Variants in DMAC2L observed in about 807,000 individuals in gnomAD.
DMAC2L encodes distal membrane arm assembly component 2 like.
Under a neutral mutation model 22.5 loss-of-function variants are expected in DMAC2L, and 21 were observed. The ratio of observed to expected loss-of-function variants is 0.93; its 90% CI spans 0.66 to 1.34. The LOEUF is 1.34. Ranked by LOEUF, DMAC2L falls within the 40% of genes most tolerant of loss-of-function variation. The pLI is 0.00. For synonymous variants in DMAC2L, 86 were observed against 89.5 expected (o/e 0.96, Z 0.22); for missense variants, 239 against 246.5 (o/e 0.97, Z 0.20).
chr14:50,314,947 T>C (rs1037943459), intron 2 of DMAC2L, among the ~76,000 whole-genome samples: 1 of 151,542 alleles, frequency 6.6e-6, no homozygotes, highest in Non-Finnish European at 1.5e-5. Context: ...CAGCCTATTG[T>C]ATCATTCTTT....
chr14:50,317,966 A>G (rs1595193998), intron 2 of DMAC2L, among the ~76,000 whole-genome samples: 1 of 152,054 alleles, frequency 6.6e-6, no homozygotes, highest in East Asian at 1.9e-4. Flanking sequence ...GGGATGCTGG[A>G]TTTTGTCAAA....
Position 50,325,819 on chromosome 14 carries a change from G to A in DMAC2L, c.*96G>A, listed in dbSNP as rs576036774. The A allele has an allele frequency of 1.4e-6, 2 of 1,457,672 alleles. No individual in the cohort carries two copies. Among genetic ancestry groups the A allele is most frequent in the Admixed American group, 2.5e-5 (1 of 40,628 alleles). The allele number at this position is 1,457,672 out of a possible 1,614,324, so 90.3% of individuals were successfully genotyped here. ...TAGTCATCAGTAGAATTATAAGGAT[G>A]CCATATCATGACATTTTAGAAGTGG... On this transcript the variant is annotated 3_prime_UTR_variant, in exon 6 of 6. Coordinates refer to ENST00000557421, the MANE Select transcript of DMAC2L (RefSeq NM_001382507.1).
chr14:50,321,159 A>C (rs2032233899), intron 2 of DMAC2L, among the ~76,000 whole-genome samples: 1 of 152,178 alleles, frequency 6.6e-6, no homozygotes, highest in South Asian at 2.1e-4. Context: ...TAGAGGAGCC[A>C]GCTTCAGCAA....
At chr14:50,318,284 A>G (rs945442705) in intron 2 of DMAC2L, among the ~76,000 whole-genome samples, 37 of 152,262 alleles carry the variant, frequency 2.4e-4, no homozygotes, top group Admixed American at 2.4e-3. Flanking sequence ...TTGCAAAATC[A>G]TTAGCAAAGT....
intron 1 of DMAC2L, 67 bp downstream of exon 1, chr14:50,312,456 G>A (rs1319037837): frequency 2.1e-6 from 1 of 470,426 alleles, no homozygotes; most frequent in East Asian, 4.2e-5. Context: ...GCCCTCGCCC[G>A]TCGCCAACGC....
intron 2 of DMAC2L, among the ~76,000 whole-genome samples, chr14:50,315,744 C>T (rs181009073): frequency 2.1e-4 from 31 of 150,842 alleles, no homozygotes; most frequent in African/African-American, 7.6e-4. Context: ...AATTCATTCC[C>T]TTTTATGGCT....
At position 50,312,364 on chromosome 14, in the gene DMAC2L, C is replaced by T; in HGVS notation, c.-67C>T. 4 of 538,028 alleles carry T rather than the reference C, an allele frequency of 7.4e-6. No homozygotes were observed. The highest frequency in any genetic ancestry group is 1.3e-5 in the Non-Finnish European group (4 of 303,558). The allele number at this position is 538,028 out of a possible 1,614,324, so 33.3% of individuals were successfully genotyped here. On this transcript the variant is annotated 5_prime_UTR_variant, in exon 1 of 6. Transcript: ENST00000557421. ...CCGCAGACGCGGGGACGCTGGCTCG[C>T]TCCCTCCCTCCCTCCCTCCGACGCT...
At chr14:50,315,163 T>TC (rs2031659472) in intron 2 of DMAC2L, among the ~76,000 whole-genome samples, 1 of 151,040 alleles carries the variant, frequency 6.6e-6, no homozygotes. Context: ...AGACAGGGTT[T>TC]CACCGTGTTA....
chr14:50,320,269 T>TTTTTA (rs75972001), intron 2 of DMAC2L, among the ~76,000 whole-genome samples: 1 of 100,034 alleles, frequency 1.0e-5, no homozygotes, highest in Non-Finnish European at 2.2e-5. Flanking sequence ...AATTTTTTAT[T>TTTTTA]TTTTTATTTT....
At chr14:50,322,295 G>T (rs377144035) in intron 3 of DMAC2L, among the ~76,000 whole-genome samples, 22 of 152,324 alleles carry the variant, frequency 1.4e-4, no homozygotes, top group African/African-American at 5.1e-4. Flanking sequence ...CAGCGTTCAC[G>T]TGGAAACAAA....
rs544798839 is a variant in DMAC2L, at chr14:50,323,769, T to C, written c.317-176T>C. ...GTCCTGTCCATCAGCACAAGCTCTA[T>C]AGTGAATTCCTTATATGGTTAATAG... On this transcript the variant is annotated intron_variant, in intron 4 of 5. Transcript: ENST00000557421. Among the ~76,000 whole-genome samples the C allele has an allele frequency of 2.6e-5, 4 of 152,328 alleles. No homozygotes were observed. The South Asian group carries it at 8.3e-4, about 32-fold the overall frequency.
rs1039123911 is a variant in DMAC2L at position 50,312,619 on chromosome 14, G to T, written c.-42+230G>T. Reference sequence around the variant, plus strand: ...GCTTCTTTCTTCCGGCTCGCCCTCGGCCCCGCCCCCGCCCCGCCCCCGCTC... The same window carrying T: ...GCTTCTTTCTTCCGGCTCGCCCTCGTCCCCGCCCCCGCCCCGCCCCCGCTC... On this transcript the variant is annotated intron_variant, in intron 1 of 5. Transcript: ENST00000557421. 13 of 268,244 alleles carry T rather than the reference G, an allele frequency of 4.8e-5. No homozygotes were observed. In the South Asian group the frequency reaches 6.7e-4, roughly 14 times the overall value. The allele number at this position is 268,244 out of a possible 1,614,324, so 16.6% of individuals were successfully genotyped here.
At chr14:50,312,971 T>A in intron 1 of DMAC2L, 1 of 1,613,532 alleles carries the variant, frequency 6.2e-7, no homozygotes, top group Non-Finnish European at 8.5e-7. Flanking sequence ...TTGCCACCAT[T>A]TATAAGTCTG....
intron 2 of DMAC2L, among the ~76,000 whole-genome samples, chr14:50,317,179 TG>T (rs969097571): frequency 4.6e-5 from 7 of 152,256 alleles, no homozygotes; most frequent in Admixed American, 1.3e-4. Context: ...AAGTTTTTTT[TG>T]TGTGTGTGGC....
intron 2 of DMAC2L, among the ~76,000 whole-genome samples, chr14:50,318,159 A>G (rs1244475029): frequency 6.6e-6 from 1 of 152,178 alleles, no homozygotes; most frequent in African/African-American, 2.4e-5. Flanking sequence ...ATTTGCGTTT[A>G]ACTGGGTTCT....
chr14:50,320,225 C>T (rs1350216407), intron 2 of DMAC2L, among the ~76,000 whole-genome samples: 1 of 152,184 alleles, frequency 6.6e-6, no homozygotes, highest in Non-Finnish European at 1.5e-5. Context: ...TCCCGAGTAG[C>T]TGGGACTACA....
In DMAC2L at chr14:50,318,227, T is replaced by G. The variant is rs189325570; in HGVS notation, c.-5-3256T>G. Among the ~76,000 whole-genome samples the G allele has an allele frequency of 1.2e-3, 183 of 152,308 alleles. 1 individual carries two copies. Among genetic ancestry groups the G allele is most frequent in the African/African-American group, 4.2e-3 (173 of 41,560 alleles). ...CCACTAGAGGTCTCCTCTTTCCCTA[T>G]AGAAAGCGTTCCCAAAGGCAACTGT... On this transcript the variant is annotated intron_variant, in intron 2 of 5. Coordinates refer to ENST00000557421, the MANE Select transcript of DMAC2L (RefSeq NM_001382507.1).
rs1426761731 is a variant in DMAC2L, at chr14:50,326,302, T to C, written c.*579T>C. 1 of 500,622 alleles carries C rather than the reference T, an allele frequency of 2.0e-6. No individual in the cohort carries two copies. Among genetic ancestry groups the C allele is most frequent in the Non-Finnish European group, 2.6e-6 (1 of 387,584 alleles). 31.0% of individuals were successfully genotyped at this position (500,622 alleles called of 1,614,324 possible). ...TATATTCATTTAATATGTAAATCTATAGATATCTCTTGATGTAGATATTTA... is the reference window on the plus strand; with the variant it reads ...TATATTCATTTAATATGTAAATCTACAGATATCTCTTGATGTAGATATTTA... On this transcript the variant is annotated 3_prime_UTR_variant, in exon 6 of 6. Coordinates refer to ENST00000557421, the MANE Select transcript of DMAC2L (RefSeq NM_001382507.1).
Position 50,321,538 on chromosome 14 carries a change from C to T in DMAC2L, c.51C>T (p.Leu17=). The change falls in exon 3 of 6, where the codon CTC becomes CTT. Residue 17 remains leucine (L), a synonymous_variant. Coordinates refer to ENST00000557421, the MANE Select transcript of DMAC2L (RefSeq NM_001382507.1). ...ISQQLCGVKK[L]PWSCDSRYFW... The stretch of plus-strand genomic sequence containing the variant: ...AGCAGTTGTGTGGCGTAAAGAAACT[C>T]CCATGGTCATGTGACTCCAGATACT... 3 of 1,614,090 alleles carry T rather than the reference C, an allele frequency of 1.9e-6. No homozygotes were observed. The highest frequency in any genetic ancestry group is 2.5e-6 in the Non-Finnish European group (3 of 1,179,978).
Sources: gnomAD v4.1 joint callset for allele counts (sites outside exome capture counted in the v4.1 genomes callset) on GRCh38, gnomAD v4.1.1 for gene constraint, MANE v1.5 for transcripts, NCBI Gene and HGNC (gene_info 2026-07-23, HGNC 2026-07-21) for gene names.